MSRA: variants seen among roughly 807,000 people sequenced by gnomAD.
The protein encoded by MSRA is mitochondrial peptide methionine sulfoxide reductase.
A neutral mutation model predicts 31.3 loss-of-function variants in MSRA; 54 were observed. That is an observed-to-expected ratio of 1.73 (90% CI 1.39 to 2.17). MSRA has a LOEUF of 2.17. MSRA is among the 30% of genes most tolerant of loss of function. MSRA has a pLI of 0.00. For synonymous variants in MSRA, 169 were observed against 116.5 expected (o/e 1.45, Z -2.90); for missense variants, 507 against 300.9 (o/e 1.69, Z -5.07).
chr8:10,121,324 C>T (rs1801089511), intron 1 of MSRA, among the ~76,000 whole-genome samples: 1 of 152,270 alleles, frequency 6.6e-6, no homozygotes, highest in South Asian at 2.1e-4. Context: ...TGGAGAAGGA[C>T]TTGTGGGCAG....
At chr8:10,108,903 A>G (rs886078311) in intron 1 of MSRA, among the ~76,000 whole-genome samples, 1 of 151,916 alleles carries the variant, frequency 6.6e-6, no homozygotes, top group South Asian at 2.1e-4. Context: ...CAGCCCTCCC[A>G]CCTCAGCTGC....
chr8:10,099,263 A>G (rs1224668937), intron 1 of MSRA, among the ~76,000 whole-genome samples: 2 of 152,208 alleles, frequency 1.3e-5, no homozygotes, highest in Non-Finnish European at 2.9e-5. Flanking sequence ...TTGGTGGCCC[A>G]GGCGTGAGGC....
chr8:10,351,973 C>G (rs964405398), intron 5 of MSRA, among the ~76,000 whole-genome samples: 1 of 152,212 alleles, frequency 6.6e-6, no homozygotes, highest in African/African-American at 2.4e-5. Context: ...CGATGAGGAT[C>G]GCACTGACTT....
chr8:10,116,335 C>T (rs146444645), intron 1 of MSRA, among the ~76,000 whole-genome samples: 24 of 152,262 alleles, frequency 1.6e-4, no homozygotes, highest in South Asian at 6.2e-4. Flanking sequence ...TCCAATATGG[C>T]GCAGAGAAGC....
intron 5 of MSRA, among the ~76,000 whole-genome samples, chr8:10,396,317 A>G (rs937285250): frequency 4.6e-5 from 7 of 151,986 alleles, no homozygotes; most frequent in African/African-American, 1.7e-4. Context: ...TTATTTACAC[A>G]CTGAGTGGGA....
intron 1 of MSRA, among the ~76,000 whole-genome samples, chr8:10,061,311 C>T (rs914249225): frequency 1.3e-5 from 2 of 152,158 alleles, no homozygotes; most frequent in African/African-American, 4.8e-5. Context: ...TAAAGGCCTG[C>T]TTAGGAAAGA....
At chr8:10,419,763 C>A (rs990309328) in intron 5 of MSRA, among the ~76,000 whole-genome samples, 1 of 152,170 alleles carries the variant, frequency 6.6e-6, no homozygotes, top group African/African-American at 2.4e-5. Flanking sequence ...GGCAGGCGGG[C>A]AAGTCTAGCT....
chr8:10,088,625 A>C (rs959773860), intron 1 of MSRA, among the ~76,000 whole-genome samples: 4 of 152,028 alleles, frequency 2.6e-5, no homozygotes, highest in African/African-American at 9.7e-5. Flanking sequence ...AGTCCCAGCT[A>C]CTCTGGAGGC....
intron 3 of MSRA, among the ~76,000 whole-genome samples, chr8:10,280,781 G>T (rs545615561): frequency 6.6e-6 from 1 of 152,234 alleles, no homozygotes; most frequent in South Asian, 2.1e-4. Context: ...CAACCCAAAC[G>T]CGCATCAGCG....
chr8:10,276,647 G>C (rs997479500), intron 3 of MSRA, among the ~76,000 whole-genome samples: 1 of 152,184 alleles, frequency 6.6e-6, no homozygotes, highest in Admixed American at 6.5e-5. Context: ...AGCAGCATGC[G>C]TGTCTGCAAG....
chr8:10,268,768 T>G (rs1056218879), intron 3 of MSRA, among the ~76,000 whole-genome samples: 3 of 152,272 alleles, frequency 2.0e-5, no homozygotes, highest in African/African-American at 4.8e-5. Flanking sequence ...TCTGATTTTC[T>G]TAATAGAACA....
intron 1 of MSRA, among the ~76,000 whole-genome samples, chr8:10,063,786 A>C (rs1797326533): frequency 6.6e-6 from 1 of 152,220 alleles, no homozygotes; most frequent in Non-Finnish European, 1.5e-5. Flanking sequence ...TCCAGTCTCC[A>C]GTATTGTGAG....
chr8:10,422,682 C>T (rs1419584918), intron 5 of MSRA, among the ~76,000 whole-genome samples: 1 of 152,168 alleles, frequency 6.6e-6, no homozygotes, highest in Non-Finnish European at 1.5e-5. Context: ...GTCATTCCTC[C>T]CCTGAAGTGG....
intron 1 of MSRA, among the ~76,000 whole-genome samples, chr8:10,138,069 A>G (rs1349704731): frequency 2.0e-5 from 3 of 152,186 alleles, no homozygotes; most frequent in African/African-American, 4.8e-5. Context: ...ACAGGCGTAT[A>G]TAGATGAAAT....
In MSRA at chr8:10,232,218, A is replaced by G. The variant is rs181668588; in HGVS notation, c.212-12886A>G. ...CATTTGGATAAGACACTGAAGGAAC[A>G]TGCGGTAACTGCACATGTTCTAATG... On this transcript the variant is annotated intron_variant, in intron 2 of 5. Coordinates refer to ENST00000317173, the MANE Select transcript of MSRA (RefSeq NM_012331.5). Among the ~76,000 whole-genome samples the G allele has an allele frequency of 1.2e-4, 19 of 152,338 alleles. No individual in the cohort carries two copies. In the East Asian group the frequency reaches 3.1e-3, roughly 25 times the overall value.
chr8:10,400,794 C>T (rs552377336), intron 5 of MSRA, among the ~76,000 whole-genome samples: 12 of 152,212 alleles, frequency 7.9e-5, no homozygotes, highest in Non-Finnish European at 1.8e-4. Flanking sequence ...GCTGGGACAA[C>T]TGGATCTCCA....
intron 3 of MSRA, among the ~76,000 whole-genome samples, chr8:10,262,042 C>T (rs1298149282): frequency 1.3e-5 from 2 of 152,192 alleles, no homozygotes; most frequent in East Asian, 3.8e-4. Flanking sequence ...CCATGTCTTT[C>T]TGGGGCTTGA....
At chr8:10,184,499 G>T (rs1318166795) in intron 1 of MSRA, among the ~76,000 whole-genome samples, 1 of 151,516 alleles carries the variant, frequency 6.6e-6, no homozygotes, top group Non-Finnish European at 1.5e-5. Flanking sequence ...TTCCAGACTG[G>T]GATTAAATGG....
chr8:10,327,901 C>G (rs996009386), intron 5 of MSRA, among the ~76,000 whole-genome samples: 2 of 152,006 alleles, frequency 1.3e-5, no homozygotes, highest in African/African-American at 2.4e-5. Context: ...CCACTGCACT[C>G]CAGCCTGGGC....
Sources: allele counts gnomAD v4.1 joint callset (sites outside exome capture counted in the v4.1 genomes callset), GRCh38; gene constraint gnomAD v4.1.1; transcripts MANE v1.5; gene names NCBI Gene and HGNC (gene_info 2026-07-23, HGNC 2026-07-21).